The following PDIA2 variants were observed in gnomAD, a reference collection of about 807,000 sequenced individuals.
PDIA2 encodes protein disulfide isomerase family A member 2.
A neutral mutation model predicts 51.1 loss-of-function variants in PDIA2; 76 were observed. The observed-to-expected ratio is 1.49, with a 90% CI of 1.24 to 1.80. PDIA2 has a LOEUF of 1.80. Among genes scored for constraint, PDIA2 ranks in the 40% most tolerant of loss-of-function variants. The pLI is 0.00. For missense variants in PDIA2, 946 were observed against 706.5 expected (o/e 1.34, Z -3.84); for synonymous variants, 429 against 309.9 (o/e 1.38, Z -4.04).
Position 284,859 on chromosome 16 carries a change from A to G in PDIA2, c.541-19A>G. On this transcript the variant is annotated intron_variant, in intron 3 of 10. Coordinates refer to ENST00000219406, the MANE Select transcript of PDIA2 (RefSeq NM_006849.4). ...ACTGTGGGTGGGACCGGGTGGCCTCACAGGGCCAGGCCCCTCAGGACCTGC... is the reference window on the plus strand; with the variant it reads ...ACTGTGGGTGGGACCGGGTGGCCTCGCAGGGCCAGGCCCCTCAGGACCTGC... 1 of 1,610,712 alleles carries G rather than the reference A, an allele frequency of 6.2e-7. No homozygotes were observed. Among genetic ancestry groups the G allele is most frequent in the Non-Finnish European group, 8.5e-7 (1 of 1,178,886 alleles).
chr16:287,201 G>A lies in PDIA2; in HGVS notation c.*88G>A. ...GAGCTGTGCATTGTGAATAAAGAGT[G>A]AGCTTGGTTCTGGACTCTGTGTGCC... On this transcript the variant is annotated 3_prime_UTR_variant, in exon 11 of 11. Transcript: ENST00000219406. The A allele has an allele frequency of 1.3e-6, 2 of 1,552,224 alleles. No individual in the cohort carries two copies. Among genetic ancestry groups the A allele is most frequent in the South Asian group, 1.1e-5 (1 of 88,178 alleles).
chr16:286,087 C>T (rs1447388805), intron 7 of PDIA2, among the ~76,000 whole-genome samples: 3 of 120,142 alleles, frequency 2.5e-5, no homozygotes, highest in Non-Finnish European at 5.3e-5. Context: ...CTCCCCCCAC[C>T]AAACCCCACA....
intron 10 of PDIA2, 55 bp downstream of exon 10, chr16:287,000 G>C (rs1188258078): frequency 1.9e-5 from 30 of 1,611,918 alleles, no homozygotes; most frequent in Non-Finnish European, 2.5e-5. Context: ...CTTTACACAG[G>C]GCTGGCAGGG....
chr16:283,401 G>T (rs1426474387), intron 1 of PDIA2, 33 bp downstream of exon 1: 2 of 1,535,656 alleles, frequency 1.3e-6, no homozygotes, highest in Non-Finnish European at 1.8e-6. Context: ...CTGGGGACCG[G>T]CGGGGGACCG....
intron 7 of PDIA2, 69 bp downstream of exon 7, chr16:285,772 G>A: frequency 2.0e-6 from 3 of 1,519,340 alleles, no homozygotes; most frequent in Non-Finnish European, 2.7e-6. Context: ...CAGGGGGTGG[G>A]AACAGCAGCT....
At position 287,162 on chromosome 16, in the gene PDIA2, T is replaced by G. The variant is rs1273051079; in HGVS notation, c.*49T>G. 7 of 1,607,772 alleles carry G rather than the reference T, an allele frequency of 4.4e-6. No homozygotes were observed. In the Middle Eastern group the frequency reaches 6.6e-4, roughly 152 times the overall value. ...TCACTGCTGGACAGGAGCCACCCCCTTGGGTACCAGAGGGAGCTGTGCATT... is the reference window on the plus strand; with the variant it reads ...TCACTGCTGGACAGGAGCCACCCCCGTGGGTACCAGAGGGAGCTGTGCATT... On this transcript the variant is annotated 3_prime_UTR_variant, in exon 11 of 11. Transcript: ENST00000219406.
At chr16:286,780 G>C in intron 9 of PDIA2, 45 bp downstream of exon 9, 1 of 1,612,272 alleles carries the variant, frequency 6.2e-7, no homozygotes, top group Non-Finnish European at 8.5e-7. Flanking sequence ...GTGCCATCTT[G>C]CTGGGCATGG....
intron 7 of PDIA2, among the ~76,000 whole-genome samples, chr16:285,905 C>A (rs1172110091): frequency 3.4e-4 from 44 of 130,650 alleles, no homozygotes; most frequent in African/African-American, 1.5e-3. Context: ...GCGGTTCTCC[C>A]AACCCCAACC....
Position 284,866 on chromosome 16 carries a change from C to T in PDIA2, c.541-12C>T. 3 of 1,611,622 alleles carry T rather than the reference C, an allele frequency of 1.9e-6. No individual in the cohort carries two copies. The highest frequency in any genetic ancestry group is 2.5e-6 in the Non-Finnish European group (3 of 1,179,354). On this transcript the variant is annotated splice_polypyrimidine_tract_variant and intron_variant, in intron 3 of 10. Transcript: ENST00000219406. ...GTGGGACCGGGTGGCCTCACAGGGCCAGGCCCCTCAGGACCTGCAGGACGA... is the reference window on the plus strand; with the variant it reads ...GTGGGACCGGGTGGCCTCACAGGGCTAGGCCCCTCAGGACCTGCAGGACGA...
At chr16:283,403 G>C (rs185747021) in intron 1 of PDIA2, 35 bp downstream of exon 1, 1 of 1,533,150 alleles carries the variant, frequency 6.5e-7, no homozygotes, top group African/African-American at 1.4e-5. Context: ...GGGGACCGGC[G>C]GGGGACCGGC....
rs1181081716 is a variant in PDIA2 at position 283,238 on chromosome 16, A to G, written c.69A>G (p.Glu23=). ...GGGCTTCGTGCCCATGGGGTCAGGAACAGGGAGCGAGGAGCCCCTCGGAGG... is the reference window on the plus strand; with the variant it reads ...GGGCTTCGTGCCCATGGGGTCAGGAGCAGGGAGCGAGGAGCCCCTCGGAGG... ...LLRASCPWGQ[E]QGARSPSEEP... is the part of the protein sequence containing the mutation. The change falls in exon 1 of 11, where the codon GAA becomes GAG. Residue 23 remains glutamate, a synonymous_variant. Transcript: ENST00000219406. The G allele has an allele frequency of 1.2e-6, 2 of 1,610,218 alleles. No homozygotes were observed. The highest frequency in any genetic ancestry group is 2.2e-5 in the East Asian group (1 of 44,746).
rs566938993 is a variant in PDIA2, at chr16:284,463, A to C, written c.276A>C (p.Ser92=). The C allele has an allele frequency of 5.6e-6, 9 of 1,604,452 alleles. No homozygotes were observed. The highest frequency in any genetic ancestry group is 4.5e-5 in the South Asian group (4 of 89,356). Reference sequence around the variant, plus strand: ...CAGCTGCCGTGCTCGCGGCCGAGTCAATGGTGGTCACGCTGGCCAAGGTGG... The same window carrying C: ...CAGCTGCCGTGCTCGCGGCCGAGTCCATGGTGGTCACGCTGGCCAAGGTGG... The part of the protein sequence containing the change: ...SKAAAVLAAE[S]MVVTLAKVDG... The change falls in exon 2 of 11, where the codon TCA becomes TCC. Residue 92 remains serine (S), a synonymous_variant. Coordinates refer to ENST00000219406, the MANE Select transcript of PDIA2 (RefSeq NM_006849.4).
rs371114831 is a variant in PDIA2, at chr16:285,047, G to A, written c.678+32G>A. 4.3e-5 allele frequency: 69 copies of A among 1,613,046 alleles called. No individual in the cohort carries two copies. The East Asian group carries it at 8.7e-4, about 20-fold the overall frequency. ...CAGGCCCAGGTGTGGGTTGGGGTCC[G>A]GCTGCAGCGCCCGCTAACCCACCTG... is the stretch of plus-strand genomic sequence containing the variant. On this transcript the variant is annotated intron_variant, in intron 4 of 10. Coordinates refer to ENST00000219406, the MANE Select transcript of PDIA2 (RefSeq NM_006849.4).
At chr16:283,403 G>GGGGGACCGGCA (rs745662517) in intron 1 of PDIA2, 35 bp downstream of exon 1, 2 of 1,533,150 alleles carry the variant, frequency 1.3e-6, no homozygotes, top group South Asian at 2.5e-5. Context: ...GGGGACCGGC[G>GGGGGACCGGCA]GGGGACCGGC....
At chr16:286,768 G>A in intron 9 of PDIA2, 33 bp downstream of exon 9, 1 of 1,612,512 alleles carries the variant, frequency 6.2e-7, no homozygotes, top group South Asian at 1.1e-5. Flanking sequence ...GAGGAAGCCG[G>A]GGTGCCATCT....
At position 285,144 on chromosome 16, in the gene PDIA2, C is replaced by G; in HGVS notation, c.739C>G (p.Leu247Val). 1 of 1,612,926 alleles carries G rather than the reference C, an allele frequency of 6.2e-7. No individual in the cohort carries two copies. Among genetic ancestry groups the G allele is most frequent in the African/African-American group, 1.3e-5 (1 of 75,038 alleles). Residue 247 changes from leucine to valine, a missense_variant, in exon 5 of 11, where the codon CTG becomes GTG. By Grantham distance (32) the Leu-to-Val change is conservative (BLOSUM62 1). Transcript: ENST00000219406. ...DEELGLDLGD[L>V]SRFLVTHSMR... is the part of the protein sequence containing the mutation. Reference sequence around the variant, plus strand: ...GGAGCTTGGCCTGGACCTGGGGGATCTGTCGCGCTTCCTGGTCACACACAG... The same window carrying G: ...GGAGCTTGGCCTGGACCTGGGGGATGTGTCGCGCTTCCTGGTCACACACAG...
At chr16:285,753 C>A (rs1172096379) in intron 7 of PDIA2, 50 bp downstream of exon 7, 1 of 1,574,748 alleles carries the variant, frequency 6.4e-7, no homozygotes, top group Admixed American at 1.8e-5. Context: ...CCTCATCCCA[C>A]CAGCTTGGCA....
Position 284,838 on chromosome 16 carries a change from T to G in PDIA2, c.541-40T>G, listed in dbSNP as rs550472224. On this transcript the variant is annotated intron_variant, in intron 3 of 10. Transcript: ENST00000219406. ...GGCCGGGCCATGAGGGCAGTGACTG[T>G]GGGTGGGACCGGGTGGCCTCACAGG... 2.5e-6 allele frequency: 4 copies of G among 1,605,982 alleles called. No individual in the cohort carries two copies. In the South Asian group the frequency reaches 4.4e-5, roughly 18 times the overall value.
intron 10 of PDIA2, 47 bp from the exon 11 acceptor site, chr16:287,022 G>A (rs1596951594): frequency 6.2e-7 from 1 of 1,612,640 alleles, no homozygotes. Flanking sequence ...CGGGGGCAGG[G>A]GTAGGCTGGG....
Sources: allele counts gnomAD v4.1 joint callset (sites outside exome capture counted in the v4.1 genomes callset), GRCh38; gene constraint gnomAD v4.1.1; transcripts MANE v1.5; gene names NCBI Gene and HGNC (gene_info 2026-07-23, HGNC 2026-07-21).